MARCHF1: variants seen among roughly 807,000 people sequenced by gnomAD.
The protein encoded by MARCHF1 is membrane associated ring-CH-type finger 1, also known as E3 ubiquitin-protein ligase MARCHF1.
Under a neutral mutation model 54.2 loss-of-function variants are expected in MARCHF1, and 40 were observed. The observed-to-expected ratio is 0.74, with a 90% confidence interval of 0.57 to 0.96. The LOEUF is 0.96. Among genes scored for constraint, MARCHF1 ranks in the 40% least tolerant of loss-of-function variants. The pLI, the probability that MARCHF1 is intolerant of heterozygous loss-of-function variation, is 0.00. For synonymous variants in MARCHF1, 236 were observed against 236.3 expected (o/e 1.00, Z 0.01); for missense variants, 586 against 656.5 (o/e 0.89, Z 1.17).
chr4:164,140,927 G>A (rs1362535213), intron 1 of MARCHF1, among the ~76,000 whole-genome samples: 1 of 152,174 alleles, frequency 6.6e-6, no homozygotes, highest in Non-Finnish European at 1.5e-5. Flanking sequence ...CAGTGCTGCA[G>A]GAGGTCTCTA....
At chr4:163,718,095 C>A (rs1745322757) in intron 4 of MARCHF1, among the ~76,000 whole-genome samples, 2 of 152,100 alleles carry the variant, frequency 1.3e-5, no homozygotes. Context: ...AACTGGCTAG[C>A]CATATGTAGA....
chr4:164,363,611 A>G (rs1327859808), intron 1 of MARCHF1, among the ~76,000 whole-genome samples: 2 of 152,072 alleles, frequency 1.3e-5, no homozygotes. Context: ...TTTTGGGGGG[A>G]AAAAGGACAA....
At position 163,614,491 on chromosome 4, in the gene MARCHF1, C is replaced by T. The variant is rs79526058; in HGVS notation, c.163-1098G>A. Among the ~76,000 whole-genome samples, 662 of 152,084 alleles carry T rather than the reference C, an allele frequency of 4.4e-3. 2 individuals carry two copies. Among genetic ancestry groups the T allele is most frequent in the African/African-American group, 0.014 (594 of 41,498 alleles). On this transcript the variant is annotated intron_variant, in intron 5 of 9. Transcript: ENST00000514618. ...ACTGCAGAGATGAAATGCACAATTTCGTCACCAAGAAAATAACAGTAAAGG... is the reference window on the plus strand; with the variant it reads ...ACTGCAGAGATGAAATGCACAATTTTGTCACCAAGAAAATAACAGTAAAGG...
At chr4:164,195,368 T>G (rs1731227404) in intron 1 of MARCHF1, among the ~76,000 whole-genome samples, 1 of 152,206 alleles carries the variant, frequency 6.6e-6, no homozygotes, top group African/African-American at 2.4e-5. Flanking sequence ...AAATTTACTT[T>G]TTACGTTAAT....
intron 5 of MARCHF1, among the ~76,000 whole-genome samples, chr4:163,690,232 A>T (rs913272104): frequency 6.6e-6 from 1 of 152,240 alleles, no homozygotes; most frequent in African/African-American, 2.4e-5. Flanking sequence ...TTCAACAAAA[A>T]TATTTTCAAT....
chr4:164,152,598 C>T (rs1279325405), intron 1 of MARCHF1, among the ~76,000 whole-genome samples: 1 of 152,186 alleles, frequency 6.6e-6, no homozygotes, highest in Non-Finnish European at 1.5e-5. Flanking sequence ...AGTCCATATT[C>T]TATAGAGAAT....
At chr4:164,180,958 C>T (rs985703309) in intron 1 of MARCHF1, among the ~76,000 whole-genome samples, 1 of 152,146 alleles carries the variant, frequency 6.6e-6, no homozygotes, top group Admixed American at 6.6e-5. Flanking sequence ...CTTCCTAAAA[C>T]TTGTTTTCAA....
chr4:163,857,069 G>A (rs1749788051), intron 3 of MARCHF1, among the ~76,000 whole-genome samples: 2 of 146,284 alleles, frequency 1.4e-5, no homozygotes, highest in Admixed American at 1.4e-4. Flanking sequence ...CTCAAAAGAA[G>A]CAGCATGAGT....
intron 1 of MARCHF1, among the ~76,000 whole-genome samples, chr4:164,321,332 C>T (rs183639399): frequency 9.5e-4 from 145 of 152,118 alleles, no homozygotes; most frequent in Non-Finnish European, 1.2e-3. Context: ...AAGTAAATGA[C>T]GCAGTGGATG....
At chr4:164,237,706 A>G (rs1372413093) in intron 1 of MARCHF1, among the ~76,000 whole-genome samples, 2 of 151,988 alleles carry the variant, frequency 1.3e-5, no homozygotes, top group Non-Finnish European at 2.9e-5. Context: ...CACTTAAACG[A>G]TCCCCCCAAA....
intron 9 of MARCHF1, among the ~76,000 whole-genome samples, chr4:163,532,393 G>A (rs996889005): frequency 6.6e-6 from 1 of 151,822 alleles, no homozygotes; most frequent in Admixed American, 6.6e-5. Context: ...GCGAATAAAT[G>A]AGTCTGTAAA....
chr4:163,547,367 G>A (rs1218328224), intron 8 of MARCHF1, among the ~76,000 whole-genome samples: 1 of 152,174 alleles, frequency 6.6e-6, no homozygotes, highest in Non-Finnish European at 1.5e-5. Context: ...TCTTGGCTCA[G>A]GTGTACATTG....
intron 5 of MARCHF1, among the ~76,000 whole-genome samples, chr4:163,624,603 A>G (rs1329491136): frequency 6.6e-6 from 1 of 152,178 alleles, no homozygotes; most frequent in African/African-American, 2.4e-5. Flanking sequence ...TTAGGGAGAG[A>G]TGAGGTCCTC....
At chr4:164,255,614 A>G (rs1219130382) in intron 1 of MARCHF1, among the ~76,000 whole-genome samples, 1 of 152,100 alleles carries the variant, frequency 6.6e-6, no homozygotes, top group Non-Finnish European at 1.5e-5. Context: ...GAACAAAAAA[A>G]TGGAAAAAGT....
At chr4:164,051,470 C>T (rs1217101872) in intron 2 of MARCHF1, among the ~76,000 whole-genome samples, 1 of 152,076 alleles carries the variant, frequency 6.6e-6, no homozygotes, top group Non-Finnish European at 1.5e-5. Context: ...GTGATTTCTA[C>T]CTGGTGGGAG....
chr4:164,333,862 T>G (rs11736919), intron 1 of MARCHF1, among the ~76,000 whole-genome samples: 62,741 of 152,070 alleles, frequency 0.41, 13,695 homozygotes, highest in Non-Finnish European at 0.49. Context: ...TGAAGGAAAT[T>G]AAAAGTGCTA....
At chr4:163,937,130 C>T (rs1355167352) in intron 3 of MARCHF1, among the ~76,000 whole-genome samples, 1 of 152,150 alleles carries the variant, frequency 6.6e-6, no homozygotes, top group Non-Finnish European at 1.5e-5. Flanking sequence ...ATTTCAGTTA[C>T]AGTCCCACTG....
chr4:164,202,710 T>C (rs1166814815), intron 1 of MARCHF1, among the ~76,000 whole-genome samples: 1 of 152,058 alleles, frequency 6.6e-6, no homozygotes, highest in Non-Finnish European at 1.5e-5. Context: ...AATTTGCTAG[T>C]TCTTTCTGCT....
At chr4:164,153,155 G>A (rs1229871189) in intron 1 of MARCHF1, among the ~76,000 whole-genome samples, 1 of 152,020 alleles carries the variant, frequency 6.6e-6, no homozygotes, top group Non-Finnish European at 1.5e-5. Context: ...CATTTTAGGT[G>A]AAAATAATGA....
Sources: allele counts gnomAD v4.1 joint callset (sites outside exome capture counted in the v4.1 genomes callset), GRCh38; gene constraint gnomAD v4.1.1; transcripts MANE v1.5; gene names NCBI Gene and HGNC (gene_info 2026-07-23, HGNC 2026-07-21).